Variants in TEX261 observed in about 807,000 individuals in gnomAD.
The protein encoded by TEX261 is protein TEX261.
In TEX261, 13 loss-of-function variants were observed where a neutral mutation model predicts 25.1. That is an observed-to-expected ratio of 0.52 (90% CI 0.34 to 0.82). The LOEUF (loss-of-function observed/expected upper bound fraction) is 0.82, where lower values mean the gene tolerates loss of function less well. Among genes scored for constraint, TEX261 ranks in the 40% least tolerant of loss-of-function variants. The probability of loss-of-function intolerance (pLI) is 0.02; values close to 1 mark genes in which losing one functional copy is unlikely to be tolerated. For synonymous variants in TEX261, 92 were observed against 97.8 expected, an observed-to-expected ratio of 0.94 and a Z score of 0.35; for missense variants, 206 against 243.2, an observed-to-expected ratio of 0.85 and a Z score of 1.02.
In TEX261 at chr2:70,991,996, G is replaced by A. The variant is rs200814592; in HGVS notation, c.151-13C>T. The A allele has an allele frequency of 1.3e-6, 2 of 1,582,516 alleles. No individual in the cohort carries two copies. On this transcript the variant is annotated splice_polypyrimidine_tract_variant and intron_variant, in intron 2 of 5. Coordinates refer to ENST00000272438, the MANE Select transcript of TEX261 (RefSeq NM_144582.3). ...CAGCGGTGGAGAACTGAAACAACCA[G>A]AGGCAGACAGTGCAGGGCGCTTCTT...
chr2:70,987,965 C>G lies in TEX261; in HGVS notation c.*635G>C, dbSNP rs933471163. ...CAGGCTCAGCTCCTCACCCCTGCCC[C>G]CTTCCCATTAAGGGCCACAAGAACA... On this transcript the variant is annotated 3_prime_UTR_variant, in exon 6 of 6. Coordinates refer to ENST00000272438, the MANE Select transcript of TEX261 (RefSeq NM_144582.3). 8 of 153,276 alleles carry G rather than the reference C, an allele frequency of 5.2e-5. No homozygotes were observed. Among genetic ancestry groups the G allele is most frequent in the Admixed American group, 4.6e-4 (7 of 15,334 alleles). 9.5% of individuals were successfully genotyped at this position (153,276 alleles called of 1,614,324 possible).
chr2:70,993,829 G>A, intron 1 of TEX261, 54 bp from the exon 2 acceptor site: 4 of 1,421,332 alleles, frequency 2.8e-6, no homozygotes, highest in Non-Finnish European at 4.0e-6. Flanking sequence ...CACCATCCTG[G>A]TCACCCCTCT....
At chr2:70,993,836 C>T (rs1401918234) in intron 1 of TEX261, 61 bp from the exon 2 acceptor site, 27 of 1,355,086 alleles carry the variant, frequency 2.0e-5, no homozygotes, top group Non-Finnish European at 2.7e-5. Context: ...CTGGTCACCC[C>T]TCTCTCTGCA....
chr2:70,993,685 A>G lies in TEX261; in HGVS notation c.150+11T>C, dbSNP rs782671269. ...GAGTGAGGAGGACTCCTGGAGAAAG[A>G]TGCCACTTACCCAGATCATGTATTT... On this transcript the variant is annotated intron_variant, in intron 2 of 5. Coordinates refer to ENST00000272438, the MANE Select transcript of TEX261 (RefSeq NM_144582.3). 5.5e-5 allele frequency: 89 copies of G among 1,611,342 alleles called. No individual in the cohort carries two copies. The highest frequency in any genetic ancestry group is 7.2e-5 in the Non-Finnish European group (85 of 1,177,668).
At chr2:70,989,043 G>A (rs782209395) in intron 4 of TEX261, 26 bp from the exon 5 acceptor site, 11 of 1,599,432 alleles carry the variant, frequency 6.9e-6, no homozygotes, top group Non-Finnish European at 9.4e-6. Context: ...ACTGAGAAGA[G>A]GGTGCCCCGG....
chr2:70,993,819 C>CACCATCCTGGTCACCCCT (rs1470592179), intron 1 of TEX261, 44 bp from the exon 2 acceptor site: 6 of 1,504,546 alleles, frequency 4.0e-6, no homozygotes, highest in Admixed American at 3.3e-5. Context: ...GGGTCACTCC[C>CACCATCCTGGTCACCCCT]ACCATCCTGG....
Position 70,988,608 on chromosome 2 carries a change from T to C in TEX261, c.583A>G (p.Ile195Val). 1 of 1,613,446 alleles carries C rather than the reference T, an allele frequency of 6.2e-7. No individual in the cohort carries two copies. Among genetic ancestry groups the C allele is most frequent in the Non-Finnish European group, 8.5e-7 (1 of 1,179,364 alleles). The stretch of plus-strand genomic sequence containing the variant: ...TCCTGCCTGCATGGGGGTCAGTATA[T>C]CTTCTGACGACTGGGTAGAATGGCC... The part of the protein sequence containing the change: ...KEAILPSRQK[I>V]Y The change falls in exon 6 of 6, where the codon ATA becomes GTA. Residue 195 changes from isoleucine to valine, a missense_variant. Transcript: ENST00000272438.
At chr2:70,993,994 G>A (rs2104875498) in intron 1 of TEX261, among the ~76,000 whole-genome samples, 1 of 152,354 alleles carries the variant, frequency 6.6e-6, no homozygotes, top group East Asian at 1.9e-4. Context: ...GTCTGCATTT[G>A]ATGCCACAGT....
chr2:70,986,076 C>T lies in TEX261; in HGVS notation c.*2524G>A, dbSNP rs1670178069. On this transcript the variant is annotated 3_prime_UTR_variant, in exon 6 of 6. Coordinates refer to ENST00000272438, the MANE Select transcript of TEX261 (RefSeq NM_144582.3). ...ACTGGGGAGATGACCATTAGGCAGG[C>T]AAGTGAGCCCAGAGTGATCTGTGTA... The T allele has an allele frequency of 6.6e-6, 1 of 152,258 alleles. No homozygotes were observed. The highest frequency in any genetic ancestry group is 2.4e-5 in the African/African-American group (1 of 41,440). 9.4% of individuals were successfully genotyped at this position (152,258 alleles called of 1,614,324 possible). A position where few individuals can be genotyped will look rare whatever the true frequency, so the allele number is the denominator to read the frequency against.
Position 70,988,513 on chromosome 2 carries a change from C to CGG in TEX261, c.*86_*87insCC. On this transcript the variant is annotated 3_prime_UTR_variant, in exon 6 of 6. Coordinates refer to ENST00000272438, the MANE Select transcript of TEX261 (RefSeq NM_144582.3). ...GAAAGCCAGGGCAGGTGGTAGGTGCCTTCCCGACTTCTGGTCCCCACCTGG... is the reference window on the plus strand; with the variant it reads ...GAAAGCCAGGGCAGGTGGTAGGTGCCGGTTCCCGACTTCTGGTCCCCACCTGG... The CGG allele has an allele frequency of 9.5e-7, 1 of 1,054,118 alleles. No individual in the cohort carries two copies. Among genetic ancestry groups the CGG allele is most frequent in the Admixed American group, 1.8e-5 (1 of 55,908 alleles). 65.3% of individuals were successfully genotyped at this position (1,054,118 alleles called of 1,614,324 possible).
chr2:70,993,556 T>A lies in TEX261; in HGVS notation c.150+140A>T, dbSNP rs1670345451. On this transcript the variant is annotated intron_variant, in intron 2 of 5. Coordinates refer to ENST00000272438, the MANE Select transcript of TEX261 (RefSeq NM_144582.3). ...GGAGTGCAGACCCAAAAGACAGCGT[T>A]CAGGGCAAGGAGGTAAGAGTGTATG... The A allele has an allele frequency of 8.2e-6, 6 of 734,336 alleles. No homozygotes were observed. In the South Asian group the frequency reaches 9.9e-5, roughly 12 times the overall value. The allele number at this position is 734,336 out of a possible 1,614,324, so 45.5% of individuals were successfully genotyped here. A position where few individuals can be genotyped will look rare whatever the true frequency, so the allele number is the denominator to read the frequency against.
chr2:70,993,884 T>A, intron 1 of TEX261, 109 bp from the exon 2 acceptor site: 1 of 847,080 alleles, frequency 1.2e-6, no homozygotes, highest in South Asian at 1.4e-5. Flanking sequence ...CCCCAGAAGG[T>A]CAAGAACAAA....
chr2:70,994,648 G>C, intron 1 of TEX261, 40 bp downstream of exon 1: 1 of 1,567,866 alleles, frequency 6.4e-7, no homozygotes, highest in Non-Finnish European at 8.6e-7. Flanking sequence ...CACCGATGCC[G>C]GGGCGGGAGC....
In TEX261 at chr2:70,989,825, G is replaced by T. The variant is rs1670267935; in HGVS notation, c.305-9C>A. The T allele has an allele frequency of 6.2e-7, 1 of 1,604,702 alleles. No individual in the cohort carries two copies. Among genetic ancestry groups the T allele is most frequent in the Non-Finnish European group, 8.5e-7 (1 of 1,171,522 alleles). On this transcript the variant is annotated splice_polypyrimidine_tract_variant and intron_variant, in intron 3 of 5. Coordinates refer to ENST00000272438, the MANE Select transcript of TEX261 (RefSeq NM_144582.3). ...ATTCACCACCACTAGTCCTGTTGAG[G>T]GAATGAAGAGTCAGTCAGTTTAAGG...
chr2:70,989,571 C>G (rs1225082117), intron 4 of TEX261, 178 bp downstream of exon 4: 8 of 591,994 alleles, frequency 1.4e-5, no homozygotes, highest in Non-Finnish European at 2.4e-5. Flanking sequence ...GCCAAATGAG[C>G]ACAGTCTGTC....
At position 70,986,472 on chromosome 2, in the gene TEX261, C is replaced by CA. The variant is rs1480913835; in HGVS notation, c.*2127dup. On this transcript the variant is annotated 3_prime_UTR_variant, in exon 6 of 6. Coordinates refer to ENST00000272438, the MANE Select transcript of TEX261 (RefSeq NM_144582.3). Reference sequence around the variant, plus strand: ...TAGCTCTGGCCACATGATAGAGAAGCAGTAGGAGGCTGTCACGATAATCCA... The same window carrying CA: ...TAGCTCTGGCCACATGATAGAGAAGCAAGTAGGAGGCTGTCACGATAATCCA... The CA allele has an allele frequency of 3.9e-5, 6 of 152,658 alleles. No individual in the cohort carries two copies. The highest frequency in any genetic ancestry group is 1.4e-4 in the African/African-American group (6 of 41,438). The allele number at this position is 152,658 out of a possible 1,614,324, so 9.5% of individuals were successfully genotyped here.
chr2:70,993,824 T>C, intron 1 of TEX261, 49 bp from the exon 2 acceptor site: 1 of 1,455,484 alleles, frequency 6.9e-7, no homozygotes, highest in South Asian at 1.1e-5. Context: ...ACTCCCACCA[T>C]CCTGGTCACC....
chr2:70,992,086 A>T, intron 2 of TEX261, 103 bp from the exon 3 acceptor site: 6 of 1,159,972 alleles, frequency 5.2e-6, no homozygotes, highest in Non-Finnish European at 5.8e-6. Context: ...TTCATGCTTC[A>T]ATCTCCTCAT....
rs151285112 is a variant in TEX261 at position 70,993,734 on chromosome 2, T to C, written c.112A>G (p.Thr38Ala). Residue 38 changes from threonine (T) to alanine (A), a missense_variant, in exon 2 of 6, where the codon ACA becomes GCA. Thr to Ala is a moderately conservative substitution (Grantham distance 58). Coordinates refer to ENST00000272438, the MANE Select transcript of TEX261 (RefSeq NM_144582.3). ...TTTATGATCCTGCTGGTGGCCACTG[T>C]GTATTCTTCTATCAGTTCTGCCAGG... ...YYLAELIEEY[T>A]VATSRIIKYM... 4,554 of 1,613,532 alleles carry C rather than the reference T, an allele frequency of 2.8e-3. 65 individuals are homozygous for C. The Admixed American group carries it at 0.034, about 12-fold the overall frequency.
Sources: gnomAD v4.1 joint callset for allele counts (sites outside exome capture counted in the v4.1 genomes callset) on GRCh38, gnomAD v4.1.1 for gene constraint, MANE v1.5 for transcripts, NCBI Gene and HGNC (gene_info 2026-07-23, HGNC 2026-07-21) for gene names.